TDRD12: variants seen among roughly 807,000 people sequenced by gnomAD.
The protein encoded by TDRD12 is putative ATP-dependent RNA helicase TDRD12.
In TDRD12, 158 loss-of-function variants were observed where a neutral mutation model predicts 133.5. The observed-to-expected ratio is 1.18, with a 90% CI of 1.04 to 1.35. The LOEUF (loss-of-function observed/expected upper bound fraction) is 1.35, where lower values mean the gene tolerates loss of function less well. Ranked by LOEUF, TDRD12 falls within the 40% of genes most tolerant of loss-of-function variation. The probability of loss-of-function intolerance (pLI) is 0.00; values close to 1 mark genes in which losing one functional copy is unlikely to be tolerated. For missense variants in TDRD12, 1,443 were observed against 1,321.3 expected (o/e 1.09, Z -1.43); for synonymous variants, 460 against 477.9 (o/e 0.96, Z 0.49).
At chr19:32,744,633 C>T (rs1390453145) in intron 4 of TDRD12, among the ~76,000 whole-genome samples, 1 of 151,938 alleles carries the variant, frequency 6.6e-6, no homozygotes, top group Non-Finnish European at 1.5e-5. Context: ...TTGACTGCAT[C>T]GCTAGTGTTT....
At chr19:32,787,931 C>T (rs1970957141) in intron 11 of TDRD12, among the ~76,000 whole-genome samples, 1 of 152,142 alleles carries the variant, frequency 6.6e-6, no homozygotes, top group Admixed American at 6.5e-5. Flanking sequence ...AGCTCACCCT[C>T]CACGGGCTGC....
chr19:32,771,371 G>A (rs534234268), intron 8 of TDRD12, among the ~76,000 whole-genome samples: 1 of 152,120 alleles, frequency 6.6e-6, no homozygotes, highest in Non-Finnish European at 1.5e-5. Flanking sequence ...TGTTCAGCAG[G>A]CTGGTCTTGA....
At chr19:32,793,793 C>CT (rs766973591) in intron 13 of TDRD12, among the ~76,000 whole-genome samples, 11,271 of 116,102 alleles carry the variant, frequency 0.097, 1,228 homozygotes, top group East Asian at 0.24. Context: ...AAGCAAGAAT[C>CT]TTTTTTTTTT....
At chr19:32,742,869 A>C in exon 4 of TDRD12, 4 of 1,551,768 alleles carry the variant, frequency 2.6e-6, no homozygotes, top group Non-Finnish European at 3.5e-6. Flanking sequence ...CACATTACAC[A>C]TTGACTTCTG....
chr19:32,753,670 ATTTTTTT>A (rs61178379), intron 6 of TDRD12, among the ~76,000 whole-genome samples: 12 of 130,482 alleles, frequency 9.2e-5, no homozygotes, highest in Admixed American at 2.4e-4. Flanking sequence ...CACCTGGCTA[ATTTTTTT>A]TTTTTTTTTT....
chr19:32,752,430 T>C (rs1234811409), intron 6 of TDRD12, among the ~76,000 whole-genome samples: 3 of 152,112 alleles, frequency 2.0e-5, no homozygotes, highest in African/African-American at 7.2e-5. Context: ...TCCACCCGTC[T>C]TGGCCTCCCA....
chr19:32,783,520 T>C (rs1480690894), intron 11 of TDRD12, among the ~76,000 whole-genome samples: 1 of 152,198 alleles, frequency 6.6e-6, no homozygotes, highest in Non-Finnish European at 1.5e-5. Flanking sequence ...GGTAGCTTGA[T>C]GGGGATAGGT....
intron 21 of TDRD12, among the ~76,000 whole-genome samples, chr19:32,804,829 C>T (rs998731767): frequency 3.3e-5 from 5 of 151,554 alleles, no homozygotes; most frequent in African/African-American, 1.2e-4. Context: ...GCACTCCAGA[C>T]GGGGTGACAG....
At chr19:32,761,930 C>T (rs889402157) in intron 8 of TDRD12, among the ~76,000 whole-genome samples, 3 of 151,996 alleles carry the variant, frequency 2.0e-5, no homozygotes, top group Admixed American at 6.6e-5. Context: ...AAGTGATCCA[C>T]CCACCTCAAA....
intron 16 of TDRD12, among the ~76,000 whole-genome samples, chr19:32,799,439 G>C (rs1971322529): frequency 1.3e-5 from 2 of 152,122 alleles, no homozygotes; most frequent in South Asian, 4.1e-4. Flanking sequence ...GTGGGATCTT[G>C]TCAGCCTAAT....
intron 5 of TDRD12, 140 bp from the exon 6 acceptor site, chr19:32,749,644 T>G: frequency 3.3e-6 from 2 of 604,262 alleles, no homozygotes; most frequent in Non-Finnish European, 5.7e-6. Context: ...TTTCCTAACA[T>G]GCTCCCCCTG....
At chr19:32,734,014 C>A (rs1969144921) in intron 2 of TDRD12, among the ~76,000 whole-genome samples, 1 of 151,786 alleles carries the variant, frequency 6.6e-6, no homozygotes, top group African/African-American at 2.4e-5. Context: ...GCCTTAGCCT[C>A]CCGAGTAGCT....
At chr19:32,803,054 G>A (rs1355959449) in exon 21 of TDRD12, 9 of 1,536,102 alleles carry the variant, frequency 5.9e-6, no homozygotes, top group African/African-American at 4.1e-5. Flanking sequence ...AGAGCTGTAC[G>A]AGTTCACCGC....
At chr19:32,820,339 C>T (rs1967336260) in intron 27 of TDRD12, among the ~76,000 whole-genome samples, 1 of 152,088 alleles carries the variant, frequency 6.6e-6, no homozygotes, top group Non-Finnish European at 1.5e-5. Flanking sequence ...CATTGTCACC[C>T]ACGAGGAAGG....
At chr19:32,777,128 A>AT (rs375161997) in intron 10 of TDRD12, 21 bp from the exon 11 acceptor site, 16,959 of 1,166,706 alleles carry the variant, frequency 0.015, 1 homozygote, top group Non-Finnish European at 0.016. Flanking sequence ...ATTTTAATGA[A>AT]TTTTTTTTTT....
At chr19:32,783,087 A>G (rs2095346605) in intron 11 of TDRD12, among the ~76,000 whole-genome samples, 1 of 152,088 alleles carries the variant, frequency 6.6e-6, no homozygotes, top group Non-Finnish European at 1.5e-5. Context: ...TAGGATTTTT[A>G]TGGTCCTAGG....
At chr19:32,794,092 CTTTTTTTTTTTT>C (rs751938374) in intron 13 of TDRD12, among the ~76,000 whole-genome samples, 8 of 49,828 alleles carry the variant, frequency 1.6e-4, no homozygotes, top group East Asian at 7.7e-4. Context: ...CTGTGCCTGG[CTTTTTTTTTTTT>C]TTTTTTTTTT....
Position 32,729,765 on chromosome 19 carries a change from ACTTTTT to A in TDRD12, c.25-1947_25-1942del, listed in dbSNP as rs1568445047. Among the ~76,000 whole-genome samples, 188 of 124,716 alleles carry A rather than the reference ACTTTTT, an allele frequency of 1.5e-3. 1 individual carries two copies. In the East Asian group the frequency reaches 0.019, roughly 13 times the overall value. The allele number at this position is 124,716 out of a possible 152,430, so 81.8% of individuals were successfully genotyped here. A position where few individuals can be genotyped will look rare whatever the true frequency, so the allele number is the denominator to read the frequency against. On this transcript the variant is annotated intron_variant, in intron 1 of 27. Coordinates refer to ENST00000444215, the Ensembl canonical transcript of TDRD12. Reference sequence around the variant, plus strand: ...ATCTTGGGTTCACTTTCTGGTGACTACTTTTTCTTTTTCTTTTTTTTTTTTTTTTTT... The same window carrying A: ...ATCTTGGGTTCACTTTCTGGTGACTACTTTTTCTTTTTTTTTTTTTTTTTT...
At chr19:32,746,231 T>A (rs112576275) in intron 4 of TDRD12, among the ~76,000 whole-genome samples, 24 of 90,438 alleles carry the variant, frequency 2.7e-4, no homozygotes, top group South Asian at 7.2e-4. Context: ...AGAGAGAGAG[T>A]CTGGCTGATG....
Sources: allele counts gnomAD v4.1 joint callset (sites outside exome capture counted in the v4.1 genomes callset), GRCh38; gene constraint gnomAD v4.1.1; transcripts MANE v1.5; gene names NCBI Gene and HGNC (gene_info 2026-07-23, HGNC 2026-07-21).